Variants in ANKS1B observed in about 807,000 individuals in gnomAD.
The protein encoded by ANKS1B is ankyrin repeat and sterile alpha motif domain containing 1B.
A neutral mutation model predicts 148.3 loss-of-function variants in ANKS1B; 36 were observed. The ratio of observed to expected loss-of-function variants is 0.24; its 90% CI spans 0.19 to 0.32. The LOEUF (loss-of-function observed/expected upper bound fraction) is 0.32, where lower values mean the gene tolerates loss of function less well. Ranked by LOEUF, ANKS1B falls within the 10% of genes least tolerant of loss-of-function variation. The probability of loss-of-function intolerance (pLI) is 1.00; values close to 1 mark genes in which losing one functional copy is unlikely to be tolerated. For missense variants in ANKS1B, 1,157 were observed against 1,542.6 expected (o/e 0.75, Z 4.19); for synonymous variants, 542 against 560.8 (o/e 0.97, Z 0.47).
At chr12:99,193,338 C>T (rs1402062913) in intron 14 of ANKS1B, among the ~76,000 whole-genome samples, 3 of 152,108 alleles carry the variant, frequency 2.0e-5, no homozygotes, top group Non-Finnish European at 4.4e-5. Flanking sequence ...TCATAAGAAC[C>T]TCACACCACA....
At chr12:99,042,407 C>G (rs1012016916) in intron 17 of ANKS1B, among the ~76,000 whole-genome samples, 3 of 152,200 alleles carry the variant, frequency 2.0e-5, no homozygotes, top group Admixed American at 2.0e-4. Flanking sequence ...TCAGTCAACT[C>G]TCATATGCCA....
At chr12:99,130,046 T>TG (rs921322381) in intron 15 of ANKS1B, among the ~76,000 whole-genome samples, 1 of 152,208 alleles carries the variant, frequency 6.6e-6, no homozygotes. Flanking sequence ...TCTTTTTTTT[T>TG]GTCTTCTGTA....
chr12:98,898,832 T>C (rs1450809261), intron 17 of ANKS1B, among the ~76,000 whole-genome samples: 2 of 152,218 alleles, frequency 1.3e-5, no homozygotes, highest in Non-Finnish European at 2.9e-5. Context: ...TACCAATTTC[T>C]GACCACTGTA....
intron 9 of ANKS1B, among the ~76,000 whole-genome samples, chr12:99,601,644 A>T (rs1236414108): frequency 6.6e-6 from 1 of 152,150 alleles, no homozygotes; most frequent in South Asian, 2.1e-4. Context: ...AGAGAAAAGC[A>T]TAACAGGTTT....
chr12:99,240,966 G>A lies in ANKS1B; in HGVS notation c.2419+3376C>T, dbSNP rs140326904. 4.0e-3 allele frequency among the ~76,000 whole-genome samples: 606 copies of A among 152,024 alleles called. 4 individuals are homozygous for A. The highest frequency in any genetic ancestry group is 0.014 in the African/African-American group (565 of 41,474). The stretch of plus-strand genomic sequence containing the variant: ...AGCAGGAAAGATCTAAAATTGACAC[G>A]CTAACATCACAATTAAAAGAACTAG... On this transcript the variant is annotated intron_variant, in intron 14 of 26. Transcript: ENST00000683438.
At chr12:99,538,380 C>T (rs755109336) in intron 9 of ANKS1B, among the ~76,000 whole-genome samples, 12 of 152,062 alleles carry the variant, frequency 7.9e-5, no homozygotes, top group Non-Finnish European at 1.6e-4. Flanking sequence ...TTGAGTCTTC[C>T]AATCCATGAA....
intron 8 of ANKS1B, among the ~76,000 whole-genome samples, chr12:99,692,150 C>T (rs1170180232): frequency 6.6e-6 from 1 of 151,996 alleles, no homozygotes; most frequent in East Asian, 1.9e-4. Context: ...TGGGAAGAAC[C>T]TGATTGGCAA....
chr12:98,898,598 C>A (rs2099767987), intron 17 of ANKS1B, among the ~76,000 whole-genome samples: 1 of 152,096 alleles, frequency 6.6e-6, no homozygotes, highest in African/African-American at 2.4e-5. Flanking sequence ...TTCTGTGATG[C>A]ACCAGGATAT....
At position 99,968,353 on chromosome 12, in the gene ANKS1B, C is replaced by T. The variant is rs528326273; in HGVS notation, c.134+15751G>A. 2.6e-5 allele frequency among the ~76,000 whole-genome samples: 4 copies of T among 152,064 alleles called. No homozygotes were observed. The East Asian group carries it at 5.8e-4, about 22-fold the overall frequency. ...CGGATGGATCACGAGGTCAGGAAAT[C>T]GAGACCATTTGGCTAACACAGTGAA... is the stretch of plus-strand genomic sequence containing the variant. On this transcript the variant is annotated intron_variant, in intron 1 of 26. Transcript: ENST00000683438.
chr12:99,743,402 A>C (rs1161386854), intron 8 of ANKS1B, among the ~76,000 whole-genome samples: 1 of 152,196 alleles, frequency 6.6e-6, no homozygotes, highest in Non-Finnish European at 1.5e-5. Flanking sequence ...CTCCATTATG[A>C]ATATATTTTT....
chr12:98,775,953 T>G (rs1408422028), intron 24 of ANKS1B, among the ~76,000 whole-genome samples: 1 of 152,238 alleles, frequency 6.6e-6, no homozygotes, highest in Non-Finnish European at 1.5e-5. Flanking sequence ...GAATAACTCA[T>G]CATTGTGGTC....
chr12:99,167,881 T>TA (rs2077342381), intron 14 of ANKS1B, among the ~76,000 whole-genome samples: 1 of 152,214 alleles, frequency 6.6e-6, no homozygotes, highest in African/African-American at 2.4e-5. Context: ...AAGGAATGGA[T>TA]AGTTCATACA....
chr12:99,589,132 C>G (rs2097674315), intron 9 of ANKS1B, among the ~76,000 whole-genome samples: 1 of 152,166 alleles, frequency 6.6e-6, no homozygotes, highest in Non-Finnish European at 1.5e-5. Context: ...GAAATGGTCT[C>G]TCTCAAATCT....
At chr12:99,734,089 A>G (rs374615279) in intron 8 of ANKS1B, among the ~76,000 whole-genome samples, 14 of 152,304 alleles carry the variant, frequency 9.2e-5, no homozygotes, top group South Asian at 8.3e-4. Context: ...CTCTGCCTCC[A>G]ATTTCTCAGC....
intron 12 of ANKS1B, among the ~76,000 whole-genome samples, chr12:99,284,428 A>C (rs900037955): frequency 6.6e-6 from 1 of 152,218 alleles, no homozygotes; most frequent in Admixed American, 6.5e-5. Flanking sequence ...ACTGTGACCT[A>C]GATTATAACA....
chr12:99,398,390 A>C (rs1289720188), intron 12 of ANKS1B, among the ~76,000 whole-genome samples: 4 of 152,130 alleles, frequency 2.6e-5, no homozygotes, highest in South Asian at 2.1e-4. Context: ...CACTGTGAAC[A>C]AAGATTATAT....
intron 12 of ANKS1B, among the ~76,000 whole-genome samples, chr12:99,282,319 T>C (rs1343288480): frequency 6.6e-6 from 1 of 152,134 alleles, no homozygotes; most frequent in Non-Finnish European, 1.5e-5. Context: ...TGGAGCAAAG[T>C]GGGCAAAAGA....
chr12:99,108,912 G>A (rs7964183), intron 15 of ANKS1B, among the ~76,000 whole-genome samples: 11,737 of 152,146 alleles, frequency 0.077, 1,099 homozygotes, highest in African/African-American at 0.22. Context: ...AAGAGAAAGG[G>A]AGGTGAGATA....
At chr12:99,242,587 C>A (rs1195696033) in intron 14 of ANKS1B, among the ~76,000 whole-genome samples, 1 of 152,188 alleles carries the variant, frequency 6.6e-6, no homozygotes, top group Admixed American at 6.5e-5. Flanking sequence ...GGAGCCAAGA[C>A]AATCCTAAGC....
Sources: allele counts gnomAD v4.1 joint callset (sites outside exome capture counted in the v4.1 genomes callset), GRCh38; gene constraint gnomAD v4.1.1; transcripts MANE v1.5; gene names NCBI Gene and HGNC (gene_info 2026-07-23, HGNC 2026-07-21).